PTPRN2: variants seen among roughly 807,000 people sequenced by gnomAD.
PTPRN2 encodes the protein protein tyrosine phosphatase receptor type N2.
A neutral mutation model predicts 118.8 loss-of-function variants in PTPRN2; 74 were observed. The observed-to-expected ratio is 0.62, with a 90% confidence interval of 0.52 to 0.76. The LOEUF is 0.76. Ranked by LOEUF, PTPRN2 falls within the 30% of genes least tolerant of loss-of-function variation. The pLI, the probability that PTPRN2 is intolerant of heterozygous loss-of-function variation, is 0.00. For missense variants in PTPRN2, 1,481 were observed against 1,394.4 expected, an observed-to-expected ratio of 1.06 and a Z score of -0.99; for synonymous variants, 641 against 608.0, an observed-to-expected ratio of 1.05 and a Z score of -0.80.
At chr7:158,577,837 T>A (rs907703325) in intron 1 of PTPRN2, among the ~76,000 whole-genome samples, 12 of 152,022 alleles carry the variant, frequency 7.9e-5, no homozygotes, top group Admixed American at 3.9e-4. Flanking sequence ...GTGGATGGAG[T>A]AAGGGAAAGG....
intron 9 of PTPRN2, among the ~76,000 whole-genome samples, chr7:158,120,699 G>A (rs78297149): frequency 1.1e-4 from 16 of 152,170 alleles, no homozygotes. Context: ...CTCTTTTCCT[G>A]TACATTTTGG....
At chr7:158,342,342 CTG>C (rs1563180087) in intron 2 of PTPRN2, among the ~76,000 whole-genome samples, 1 of 144,502 alleles carries the variant, frequency 6.9e-6, no homozygotes, top group Admixed American at 6.8e-5. Context: ...GAGCTGACAC[CTG>C]CAGACGTCAC....
chr7:157,871,093 T>A (rs1455203237), intron 12 of PTPRN2, among the ~76,000 whole-genome samples: 1 of 152,178 alleles, frequency 6.6e-6, no homozygotes, highest in Non-Finnish European at 1.5e-5. Flanking sequence ...TGGACTTCCT[T>A]ACGAAGAAGC....
At chr7:158,222,211 A>C (rs1828429287) in intron 3 of PTPRN2, among the ~76,000 whole-genome samples, 1 of 152,238 alleles carries the variant, frequency 6.6e-6, no homozygotes, top group South Asian at 2.1e-4. Context: ...TCGACCCAGC[A>C]ATCCCAGTAT....
Position 157,773,551 on chromosome 7 carries a change from T to C in PTPRN2, c.1789-90614A>G, listed in dbSNP as rs1013339089. On this transcript the variant is annotated intron_variant, in intron 12 of 22. Coordinates refer to ENST00000389418, the MANE Select transcript of PTPRN2 (RefSeq NM_002847.5). ...CCGCTGCGAGGGCCAGGGGCCCCTA[T>C]GCACTCAACATCAGCTTCACAAAGA... Among the ~76,000 whole-genome samples the C allele has an allele frequency of 5.3e-5, 8 of 152,228 alleles. No individual in the cohort carries two copies. In the South Asian group the frequency reaches 6.2e-4, roughly 12 times the overall value.
chr7:158,364,966 C>G (rs1424128816), intron 2 of PTPRN2, among the ~76,000 whole-genome samples: 1 of 98,246 alleles, frequency 1.0e-5, no homozygotes, highest in African/African-American at 4.4e-5. Context: ...GCGTGTGCAC[C>G]CACAACACAC....
chr7:158,354,030 T>G (rs992691642), intron 2 of PTPRN2, among the ~76,000 whole-genome samples: 2 of 152,220 alleles, frequency 1.3e-5, no homozygotes, highest in African/African-American at 4.8e-5. Context: ...CTGCAGGACC[T>G]GTGCTCCCAG....
At chr7:157,704,468 C>T (rs141676595) in intron 12 of PTPRN2, among the ~76,000 whole-genome samples, 20 of 152,288 alleles carry the variant, frequency 1.3e-4, no homozygotes, top group African/African-American at 2.2e-4. Flanking sequence ...AAATGATCAC[C>T]GATGAAGAGT....
At chr7:158,275,266 C>T (rs1798884731) in intron 3 of PTPRN2, among the ~76,000 whole-genome samples, 2 of 152,138 alleles carry the variant, frequency 1.3e-5, no homozygotes, top group Admixed American at 1.3e-4. Flanking sequence ...GGTGCCTGCC[C>T]ACTTCCTCGG....
rs76385509 is a variant in PTPRN2, at chr7:157,913,426, G to A, written c.1724-14689C>T. Reference sequence around the variant, plus strand: ...CTTCCTGCTTCACTGCCTGCTGAACGGATCCTCCTACAAATGCTTGTAAGG... The same window carrying A: ...CTTCCTGCTTCACTGCCTGCTGAACAGATCCTCCTACAAATGCTTGTAAGG... On this transcript the variant is annotated intron_variant, in intron 11 of 22. Transcript: ENST00000389418. Among the ~76,000 whole-genome samples, 107 of 152,238 alleles carry A rather than the reference G, an allele frequency of 7.0e-4. 1 individual carries two copies. Among genetic ancestry groups the A allele is most frequent in the African/African-American group, 2.2e-3 (93 of 41,536 alleles).
chr7:158,013,788 C>T, intron 11 of PTPRN2, among the ~76,000 whole-genome samples: 1 of 230 alleles, frequency 4.3e-3, no homozygotes, highest in Non-Finnish European at 0.01. Flanking sequence ...TCCATTCACC[C>T]ACCCACCCCA....
intron 12 of PTPRN2, among the ~76,000 whole-genome samples, chr7:157,846,518 C>A (rs919624195): frequency 1.3e-5 from 2 of 152,072 alleles, no homozygotes; most frequent in African/African-American, 2.4e-5. Flanking sequence ...GGGGCCGGAA[C>A]GGAGGGGGAA....
Position 157,927,426 on chromosome 7 carries a change from C to A in PTPRN2, c.1724-28689G>T, listed in dbSNP as rs1031769442. Among the ~76,000 whole-genome samples the A allele has an allele frequency of 7.2e-4, 59 of 81,702 alleles. 2 individuals carry two copies. Among genetic ancestry groups the A allele is most frequent in the African/African-American group, 1.6e-3 (20 of 12,892 alleles). The allele number at this position is 81,702 out of a possible 152,430, so 53.6% of individuals were successfully genotyped here. On this transcript the variant is annotated intron_variant, in intron 11 of 22. Coordinates refer to ENST00000389418, the MANE Select transcript of PTPRN2 (RefSeq NM_002847.5). ...GACCCGTCTGAGAGCAGAGGCCTCACATCTTCTGGGACCCCAAGACAGGAA... is the reference window on the plus strand; with the variant it reads ...GACCCGTCTGAGAGCAGAGGCCTCAAATCTTCTGGGACCCCAAGACAGGAA...
chr7:158,515,518 C>G (rs1221071292), intron 1 of PTPRN2, among the ~76,000 whole-genome samples: 1 of 152,170 alleles, frequency 6.6e-6, no homozygotes, highest in Non-Finnish European at 1.5e-5. Flanking sequence ...TCCAGCATCT[C>G]AACATCAGGA....
At chr7:158,128,353 C>A (rs1225355177) in intron 9 of PTPRN2, among the ~76,000 whole-genome samples, 1 of 152,206 alleles carries the variant, frequency 6.6e-6, no homozygotes, top group Non-Finnish European at 1.5e-5. Flanking sequence ...CACCAGATAG[C>A]TTCCAACCAG....
In PTPRN2 at chr7:158,034,642, T is replaced by TG. The variant is rs1163833353; in HGVS notation, c.1723+46655dup. ...CTCAGATATGTCTTTATCAGCAGTG[T>TG]GAAAAAAAACTAACACAGGCTGGGA... is the stretch of plus-strand genomic sequence containing the variant. On this transcript the variant is annotated intron_variant, in intron 11 of 22. Coordinates refer to ENST00000389418, the MANE Select transcript of PTPRN2 (RefSeq NM_002847.5). Among the ~76,000 whole-genome samples the TG allele has an allele frequency of 8.5e-5, 13 of 152,292 alleles. No homozygotes were observed. In the East Asian group the frequency reaches 2.5e-3, roughly 29 times the overall value.
rs184741274 is a variant in PTPRN2, at chr7:157,591,656, C to A, written c.2496+3582G>T. On this transcript the variant is annotated intron_variant, in intron 17 of 22. Transcript: ENST00000389418. The surrounding 1 kb of genome is among the most constrained non-coding windows in gnomAD (Gnocchi z 4.4). Reference sequence around the variant, plus strand: ...CCTAACTTTGAATTTTTAAGAATGTCAATCTTGGGGCTTACTGGTAAGTAT... The same window carrying A: ...CCTAACTTTGAATTTTTAAGAATGTAAATCTTGGGGCTTACTGGTAAGTAT... Among the ~76,000 whole-genome samples the A allele has an allele frequency of 6.6e-6, 1 of 152,222 alleles. No individual in the cohort carries two copies. The highest frequency in any genetic ancestry group is 2.4e-5 in the African/African-American group (1 of 41,458).
intron 12 of PTPRN2, among the ~76,000 whole-genome samples, chr7:157,897,199 G>C (rs557407666): frequency 1.7e-4 from 26 of 152,152 alleles, no homozygotes; most frequent in Non-Finnish European, 3.5e-4. Flanking sequence ...TCGGAAGGGA[G>C]AGGAAAGACA....
intron 11 of PTPRN2, among the ~76,000 whole-genome samples, chr7:158,043,565 G>A (rs1010346824): frequency 1.3e-5 from 2 of 152,238 alleles, no homozygotes; most frequent in Non-Finnish European, 2.9e-5. Context: ...TCCTGCAGGA[G>A]AGAATGGCAT....
Sources: allele counts gnomAD v4.1 joint callset (sites outside exome capture counted in the v4.1 genomes callset), GRCh38; gene constraint gnomAD v4.1.1; non-coding constraint Gnocchi (gnomAD v3.1); transcripts MANE v1.5; gene names NCBI Gene and HGNC (gene_info 2026-07-23, HGNC 2026-07-21).